DPP10: variants seen among roughly 807,000 people sequenced by gnomAD.
The protein encoded by DPP10 is inactive dipeptidyl peptidase 10.
A neutral mutation model predicts 120.9 loss-of-function variants in DPP10; 33 were observed. That is an observed-to-expected ratio of 0.27 (90% confidence interval 0.21 to 0.37). The LOEUF is 0.37. DPP10 is among the 10% of genes least tolerant of loss of function. The probability of loss-of-function intolerance (pLI) is 1.00; values close to 1 mark genes in which losing one functional copy is unlikely to be tolerated. For missense variants in DPP10, 816 were observed against 942.8 expected (o/e 0.87, Z 1.76); for synonymous variants, 337 against 326.1 (o/e 1.03, Z -0.36).
chr2:114,529,179 C>T (rs535986442), intron 1 of DPP10, among the ~76,000 whole-genome samples: 38 of 152,214 alleles, frequency 2.5e-4, no homozygotes, highest in Middle Eastern at 3.4e-3. Flanking sequence ...TGATGTGGTG[C>T]GCCAATGGCT....
At chr2:115,698,771 A>C (rs147553413) in intron 7 of DPP10, among the ~76,000 whole-genome samples, 3 of 152,268 alleles carry the variant, frequency 2.0e-5, no homozygotes, top group African/African-American at 7.2e-5. Flanking sequence ...TCTGTTATAA[A>C]CTGCACTGTC....
At chr2:115,590,033 C>T (rs141314275) in intron 5 of DPP10, among the ~76,000 whole-genome samples, 6 of 151,522 alleles carry the variant, frequency 4.0e-5, no homozygotes, top group African/African-American at 1.4e-4. Flanking sequence ...TTTTTGTTTC[C>T]CTCTCATTCT....
chr2:114,907,702 T>C (rs1404606312), intron 1 of DPP10, among the ~76,000 whole-genome samples: 1 of 152,132 alleles, frequency 6.6e-6, no homozygotes, highest in Non-Finnish European at 1.5e-5. Context: ...GCTTGTTTTA[T>C]GACAGCACAT....
chr2:115,449,329 T>C (rs963310407), intron 3 of DPP10, among the ~76,000 whole-genome samples: 1 of 152,068 alleles, frequency 6.6e-6, no homozygotes, highest in Non-Finnish European at 1.5e-5. Context: ...TGATGTTGCT[T>C]TCCATTAGAA....
intron 1 of DPP10, among the ~76,000 whole-genome samples, chr2:114,735,845 C>T (rs900431667): frequency 6.6e-6 from 1 of 151,928 alleles, no homozygotes; most frequent in Admixed American, 6.6e-5. Context: ...GACTTTAGGA[C>T]TCTAAAGAGG....
chr2:114,752,452 AACTG>A (rs1333878856), intron 1 of DPP10, among the ~76,000 whole-genome samples: 1 of 152,188 alleles, frequency 6.6e-6, no homozygotes, highest in African/African-American at 2.4e-5. Context: ...TCGAATTAAA[AACTG>A]ACAGACAGGC....
chr2:114,456,791 T>G (rs751624876), intron 1 of DPP10, among the ~76,000 whole-genome samples: 1 of 152,186 alleles, frequency 6.6e-6, no homozygotes, highest in Non-Finnish European at 1.5e-5. Flanking sequence ...AGAGGCAGCA[T>G]ATGTTCTAGA....
At chr2:115,645,645 T>C (rs1246209374) in intron 5 of DPP10, among the ~76,000 whole-genome samples, 2 of 152,134 alleles carry the variant, frequency 1.3e-5, no homozygotes, top group East Asian at 3.9e-4. Flanking sequence ...ATAAAAAAAA[T>C]TATGCTGTTC....
intron 17 of DPP10, among the ~76,000 whole-genome samples, chr2:115,788,815 C>G (rs760495388): frequency 1.3e-5 from 2 of 152,078 alleles, no homozygotes; most frequent in African/African-American, 2.4e-5. Flanking sequence ...TACACAAACT[C>G]TTTTTAAAAA....
chr2:115,617,289 T>TATATATATATATATATATATATATAC (rs67359999), intron 5 of DPP10, among the ~76,000 whole-genome samples: 2 of 136,530 alleles, frequency 1.5e-5, no homozygotes, highest in African/African-American at 2.7e-5. Context: ...TATATATATA[T>TATATATATATATATATATATATATAC]ACACACATAG....
At chr2:115,426,042 A>T (rs1033572291) in intron 3 of DPP10, among the ~76,000 whole-genome samples, 1 of 151,764 alleles carries the variant, frequency 6.6e-6, no homozygotes, top group Non-Finnish European at 1.5e-5. Context: ...GCCACCTCCG[A>T]CACTGGAGAT....
At position 115,787,335 on chromosome 2, in the gene DPP10, C is replaced by T. The variant is rs1484409618; in HGVS notation, c.1532-3746C>T. On this transcript the variant is annotated intron_variant, in intron 17 of 25. Transcript: ENST00000410059. ...AGATGATGGAAATCACTGGCAAATA[C>T]AGTAAATTAGCTGTTACAAATACAT... is the stretch of plus-strand genomic sequence containing the variant. Among the ~76,000 whole-genome samples the T allele has an allele frequency of 2.6e-5, 4 of 152,050 alleles. No homozygotes were observed. The East Asian group carries it at 7.7e-4, about 29-fold the overall frequency.
intron 1 of DPP10, among the ~76,000 whole-genome samples, chr2:114,653,536 G>T (rs1485765030): frequency 6.6e-6 from 1 of 152,178 alleles, no homozygotes; most frequent in African/African-American, 2.4e-5. Context: ...GGGAGGTGGG[G>T]CACAGAAAAA....
intron 9 of DPP10, among the ~76,000 whole-genome samples, chr2:115,745,728 C>G (rs1440249599): frequency 1.4e-5 from 2 of 142,108 alleles, no homozygotes; most frequent in African/African-American, 2.5e-5. Context: ...TTCATATCCT[C>G]TAATGTGAAT....
In DPP10 at chr2:115,304,800, T is replaced by C. The variant is rs943676361; in HGVS notation, c.61-4439T>C. 7.2e-5 allele frequency among the ~76,000 whole-genome samples: 11 copies of C among 152,102 alleles called. 1 individual carries two copies. The highest frequency in any genetic ancestry group is 2.7e-4 in the African/African-American group (11 of 41,438). On this transcript the variant is annotated intron_variant, in intron 1 of 25. Coordinates refer to ENST00000410059, the MANE Select transcript of DPP10 (RefSeq NM_020868.6). ...AAAATGGTGTATTACCCTTGCATTT[T>C]TCCTACTTATTATTCCCAGCATTTT... is the stretch of plus-strand genomic sequence containing the variant.
intron 1 of DPP10, among the ~76,000 whole-genome samples, chr2:114,796,716 A>G (rs1239278900): frequency 6.6e-6 from 1 of 152,174 alleles, no homozygotes; most frequent in African/African-American, 2.4e-5. Context: ...TGTTCCTTTT[A>G]GGAAAGTTGT....
At chr2:115,299,668 G>A (rs919011760) in intron 1 of DPP10, among the ~76,000 whole-genome samples, 9 of 151,926 alleles carry the variant, frequency 5.9e-5, no homozygotes, top group African/African-American at 2.2e-4. Context: ...TTGTGTGCAT[G>A]CAACATTTTT....
chr2:114,470,503 A>G (rs1679818033), intron 1 of DPP10, among the ~76,000 whole-genome samples: 1 of 152,206 alleles, frequency 6.6e-6, no homozygotes, highest in Non-Finnish European at 1.5e-5. Context: ...GAGACAGGCT[A>G]AGCCTTACTA....
intron 1 of DPP10, among the ~76,000 whole-genome samples, chr2:114,591,541 C>A (rs970439620): frequency 6.7e-6 from 1 of 148,894 alleles, no homozygotes; most frequent in Non-Finnish European, 1.5e-5. Flanking sequence ...CAGAATGTAC[C>A]CAACCTCTTC....
Sources: gnomAD v4.1 joint callset for allele counts (sites outside exome capture counted in the v4.1 genomes callset) on GRCh38, gnomAD v4.1.1 for gene constraint, MANE v1.5 for transcripts, NCBI Gene and HGNC (gene_info 2026-07-23, HGNC 2026-07-21) for gene names.